The following ANO10 variants were observed in gnomAD, a reference collection of about 807,000 sequenced individuals.
ANO10 encodes anoctamin 10, also known as anoctamin-10.
In ANO10, 77 loss-of-function variants were observed where a neutral mutation model predicts 74.7. The ratio of observed to expected loss-of-function variants is 1.03; its 90% CI spans 0.86 to 1.25. The LOEUF (loss-of-function observed/expected upper bound fraction) is 1.25. Ranked by LOEUF, ANO10 falls within the 50% of genes most tolerant of loss-of-function variation. The probability of loss-of-function intolerance (pLI) is 0.00; values close to 1 mark genes in which losing one functional copy is unlikely to be tolerated. For synonymous variants in ANO10, 279 were observed against 284.9 expected, an observed-to-expected ratio of 0.98 and a Z score of 0.21; for missense variants, 721 against 778.1, an observed-to-expected ratio of 0.93 and a Z score of 0.87.
chr3:43,566,793 A>C (rs2080377192), intron 7 of ANO10, among the ~76,000 whole-genome samples: 1 of 152,272 alleles, frequency 6.6e-6, no homozygotes, highest in South Asian at 2.1e-4. Context: ...CCTCCTCCAA[A>C]GGAACGCAGT....
chr3:43,381,374 G>T (rs961240156), intron 12 of ANO10, among the ~76,000 whole-genome samples: 9 of 152,168 alleles, frequency 5.9e-5, no homozygotes, highest in East Asian at 3.9e-4. Context: ...GGTGGAAAAA[G>T]ATATTCCATG....
intron 11 of ANO10, among the ~76,000 whole-genome samples, chr3:43,445,800 A>G (rs943215774): frequency 6.6e-6 from 1 of 152,086 alleles, no homozygotes; most frequent in African/African-American, 2.4e-5. Flanking sequence ...GCCGAGCTCA[A>G]GTGATCTTCC....
chr3:43,394,060 T>A (rs1261011079), intron 12 of ANO10, among the ~76,000 whole-genome samples: 1 of 152,178 alleles, frequency 6.6e-6, no homozygotes, highest in South Asian at 2.1e-4. Flanking sequence ...TTCTGTCACT[T>A]CATTTGCATG....
chr3:43,507,032 T>A (rs1445818844), intron 11 of ANO10, among the ~76,000 whole-genome samples: 1 of 152,232 alleles, frequency 6.6e-6, no homozygotes, highest in African/African-American at 2.4e-5. Context: ...TGCTAATATA[T>A]CTTTATTGAA....
At chr3:43,398,165 G>A (rs2092416234) in intron 12 of ANO10, among the ~76,000 whole-genome samples, 1 of 152,196 alleles carries the variant, frequency 6.6e-6, no homozygotes, top group Admixed American at 6.5e-5. Flanking sequence ...AAGGTATGGA[G>A]AGGGTTGTTT....
At chr3:43,370,073 C>T (rs1401704281) in intron 12 of ANO10, among the ~76,000 whole-genome samples, 1 of 152,140 alleles carries the variant, frequency 6.6e-6, no homozygotes, top group Non-Finnish European at 1.5e-5. Flanking sequence ...ACAGGAATAT[C>T]CCATTTGTTT....
chr3:43,385,946 C>G (rs2092102786), intron 12 of ANO10, among the ~76,000 whole-genome samples: 1 of 152,172 alleles, frequency 6.6e-6, no homozygotes, highest in Non-Finnish European at 1.5e-5. Flanking sequence ...AGTTCTAAAA[C>G]AAACAATACA....
chr3:43,531,470 C>T (rs2078465082), intron 11 of ANO10, among the ~76,000 whole-genome samples: 1 of 152,158 alleles, frequency 6.6e-6, no homozygotes, highest in African/African-American at 2.4e-5. Context: ...CTTGCATCAA[C>T]ATTTTAAAAT....
At chr3:43,632,289 T>C (rs1015279929) in intron 1 of ANO10, among the ~76,000 whole-genome samples, 2 of 152,234 alleles carry the variant, frequency 1.3e-5, no homozygotes, top group African/African-American at 4.8e-5. Context: ...TGTCTTCTGG[T>C]TCCTGATTGG....
chr3:43,599,073 T>C (rs1238031325), intron 3 of ANO10, among the ~76,000 whole-genome samples: 1 of 152,228 alleles, frequency 6.6e-6, no homozygotes, highest in Non-Finnish European at 1.5e-5. Flanking sequence ...CTTCAAACTC[T>C]CAAGCCCATT....
intron 11 of ANO10, among the ~76,000 whole-genome samples, chr3:43,462,914 T>C (rs533850893): frequency 2.0e-5 from 3 of 152,318 alleles, no homozygotes; most frequent in African/African-American, 7.2e-5. Context: ...CCCCAAGCCT[T>C]GGCACCTTCC....
At chr3:43,490,814 C>G (rs2076691048) in intron 11 of ANO10, among the ~76,000 whole-genome samples, 1 of 152,214 alleles carries the variant, frequency 6.6e-6, no homozygotes, top group Admixed American at 6.5e-5. Context: ...ACACACACAC[C>G]TGGAATGTCA....
Position 43,432,703 on chromosome 3 carries a change from T to C in ANO10, c.1822A>G (p.Ile608Val), listed in dbSNP as rs753843286. 1 of 1,613,774 alleles carries C rather than the reference T, an allele frequency of 6.2e-7. No individual in the cohort carries two copies. Among genetic ancestry groups the C allele is most frequent in the South Asian group, 1.1e-5 (1 of 91,078 alleles). ...VEHALLALKF[I>V]LAFAIPDKPR... Reference sequence around the variant, plus strand: ...TTATCAGGTATGGCAAATGCAAGTATAAACTTTAAAGCCAGGAGTGCGTGC... The same window carrying C: ...TTATCAGGTATGGCAAATGCAAGTACAAACTTTAAAGCCAGGAGTGCGTGC... Residue 608 changes from isoleucine to valine, a missense_variant, in exon 12 of 13, where the codon ATA (isoleucine) becomes GTA (valine). By Grantham distance (29) the Ile-to-Val change is conservative (BLOSUM62 3). Transcript: ENST00000292246.
intron 10 of ANO10, among the ~76,000 whole-genome samples, chr3:43,552,227 G>A (rs1467808690): frequency 6.6e-6 from 1 of 151,918 alleles, no homozygotes; most frequent in African/African-American, 2.4e-5. Context: ...TAATATACTT[G>A]TCTTGATATA....
intron 11 of ANO10, among the ~76,000 whole-genome samples, chr3:43,506,133 T>TA (rs1314143487): frequency 2.6e-5 from 4 of 152,200 alleles, no homozygotes; most frequent in Non-Finnish European, 5.9e-5. Context: ...ATAATGCTCT[T>TA]ACAGTATTAT....
chr3:43,567,140 A>T (rs2080405755), intron 7 of ANO10, among the ~76,000 whole-genome samples: 1 of 152,200 alleles, frequency 6.6e-6, no homozygotes, highest in Non-Finnish European at 1.5e-5. Context: ...AGAAAAAAGA[A>T]TAAAAAGAAA....
intron 12 of ANO10, among the ~76,000 whole-genome samples, chr3:43,382,189 GAACA>G (rs111242897): frequency 2.0e-5 from 3 of 152,246 alleles, no homozygotes; most frequent in African/African-American, 7.2e-5. Flanking sequence ...AGACAAACAA[GAACA>G]AACCAAACCC....
rs1038619649 is a variant in ANO10 at position 43,574,954 on chromosome 3, A to T, written c.1163-90T>A. 1.5e-5 allele frequency: 16 copies of T among 1,032,472 alleles called. No individual in the cohort carries two copies. The African/African-American group carries it at 2.2e-4, about 14-fold the overall frequency. 64.0% of individuals were successfully genotyped at this position (1,032,472 alleles called of 1,614,324 possible). On this transcript the variant is annotated intron_variant, in intron 6 of 12. Transcript: ENST00000292246. ...GTAAAGTGAGTTGCATTGAGGGCGG[A>T]GATGTCCAACATCAGAGCCTCAGTC...
rs113559444 is a variant in ANO10, at chr3:43,598,589, C to G, written c.415G>C (p.Asp139His). ...GGGTAACCAGGGATCATTTTTTCATCTTTAGCTCTAAGATTTTCAAGTTCA... is the reference window on the plus strand; with the variant it reads ...GGGTAACCAGGGATCATTTTTTCATGTTTAGCTCTAAGATTTTCAAGTTCA... The part of the protein sequence containing the change: ...KHELENLRAK[D>H]EKMIPGYPQA... The change falls in exon 4 of 13, where the codon GAT becomes CAT. Residue 139 changes from aspartate to histidine, a missense_variant. Asp to His is a moderately conservative substitution (Grantham distance 81, BLOSUM62 -1). Coordinates refer to ENST00000292246, the MANE Select transcript of ANO10 (RefSeq NM_018075.5). 6.2e-7 allele frequency: 1 copy of G among 1,612,510 alleles called. No homozygotes were observed. Among genetic ancestry groups the G allele is most frequent in the African/African-American group, 1.3e-5 (1 of 74,884 alleles).
Sources: allele counts gnomAD v4.1 joint callset (sites outside exome capture counted in the v4.1 genomes callset), GRCh38; gene constraint gnomAD v4.1.1; transcripts MANE v1.5; gene names NCBI Gene and HGNC (gene_info 2026-07-23, HGNC 2026-07-21).